FSTL5: variants seen among roughly 807,000 people sequenced by gnomAD.
The protein encoded by FSTL5 is follistatin like 5, also known as follistatin-related protein 5.
Under a neutral mutation model 89.1 loss-of-function variants are expected in FSTL5, and 62 were observed. The ratio of observed to expected loss-of-function variants is 0.70; its 90% CI spans 0.57 to 0.86. The LOEUF is 0.86. FSTL5 is among the 40% of genes least tolerant of loss of function. The pLI, the probability that FSTL5 is intolerant of heterozygous loss-of-function variation, is 0.00. For synonymous variants in FSTL5, 383 were observed against 346.2 expected (o/e 1.11, Z -1.18); for missense variants, 1,057 against 1,001.6 (o/e 1.06, Z -0.75).
chr4:161,532,291 G>A (rs77017236), intron 10 of FSTL5, among the ~76,000 whole-genome samples: 1,927 of 151,934 alleles, frequency 0.013, 30 homozygotes, highest in African/African-American at 0.04. Context: ...TGCTTTATAC[G>A]TAAGATCGAA....
chr4:161,717,172 A>G (rs1739017651), intron 6 of FSTL5, among the ~76,000 whole-genome samples: 1 of 152,204 alleles, frequency 6.6e-6, no homozygotes, highest in Admixed American at 6.5e-5. Context: ...ATTCAAACTG[A>G]AAAGATAAAC....
chr4:161,812,842 G>A (rs191219549), intron 4 of FSTL5, among the ~76,000 whole-genome samples: 14 of 100,720 alleles, frequency 1.4e-4, no homozygotes, highest in Admixed American at 3.2e-4. Flanking sequence ...TAAGGTATAA[G>A]GGAACAATTT....
intron 6 of FSTL5, among the ~76,000 whole-genome samples, chr4:161,754,958 A>C (rs1418570844): frequency 2.6e-5 from 4 of 152,114 alleles, no homozygotes; most frequent in African/African-American, 9.7e-5. Flanking sequence ...TTTTAATTCT[A>C]CGAGAAACTT....
At chr4:162,091,905 T>G (rs1199557169) in intron 2 of FSTL5, among the ~76,000 whole-genome samples, 3 of 151,360 alleles carry the variant, frequency 2.0e-5, no homozygotes, top group Non-Finnish European at 2.9e-5. Context: ...TAAGGTAATC[T>G]ATAGAATATA....
chr4:161,627,660 A>G (rs960725978), intron 7 of FSTL5, among the ~76,000 whole-genome samples: 1 of 152,194 alleles, frequency 6.6e-6, no homozygotes, highest in African/African-American at 2.4e-5. Flanking sequence ...TTAATAATTC[A>G]CCATATATTT....
At chr4:161,421,711 G>A (rs1365383832) in intron 15 of FSTL5, among the ~76,000 whole-genome samples, 8 of 152,170 alleles carry the variant, frequency 5.3e-5, no homozygotes, top group Non-Finnish European at 8.8e-5. Flanking sequence ...TAATGTGGGT[G>A]GGCATCGTCC....
intron 15 of FSTL5, among the ~76,000 whole-genome samples, chr4:161,419,400 G>C (rs997792392): frequency 6.6e-6 from 1 of 152,044 alleles, no homozygotes; most frequent in South Asian, 2.1e-4. Flanking sequence ...AATGTAGTGG[G>C]ATAAGCAGGC....
chr4:161,773,907 C>A (rs1424568464), intron 5 of FSTL5, among the ~76,000 whole-genome samples: 2 of 152,086 alleles, frequency 1.3e-5, no homozygotes, highest in Non-Finnish European at 2.9e-5. Flanking sequence ...TATAGTAGCA[C>A]AATTGTCAAT....
At chr4:162,021,586 A>G (rs2111158733) in intron 3 of FSTL5, among the ~76,000 whole-genome samples, 1 of 152,310 alleles carries the variant, frequency 6.6e-6, no homozygotes, top group Middle Eastern at 3.4e-3. Flanking sequence ...CATAACCAAT[A>G]GAATACTACC....
At chr4:161,862,116 T>C (rs996337730) in intron 4 of FSTL5, among the ~76,000 whole-genome samples, 12 of 152,226 alleles carry the variant, frequency 7.9e-5, no homozygotes, top group African/African-American at 2.9e-4. Flanking sequence ...TATTTATAGA[T>C]AAAGTGTCTT....
intron 13 of FSTL5, among the ~76,000 whole-genome samples, chr4:161,477,497 T>C (rs897096882): frequency 6.6e-6 from 1 of 151,064 alleles, no homozygotes; most frequent in Admixed American, 6.6e-5. Flanking sequence ...TTCTCCCTTC[T>C]CTTTCTATTG....
intron 2 of FSTL5, among the ~76,000 whole-genome samples, chr4:162,079,640 G>A (rs983861231): frequency 1.3e-4 from 19 of 151,084 alleles, no homozygotes; most frequent in African/African-American, 4.6e-4. Context: ...AATTCTTCAG[G>A]GTAGGATCAG....
chr4:162,142,205 T>G (rs1210656700), intron 1 of FSTL5, among the ~76,000 whole-genome samples: 2 of 151,998 alleles, frequency 1.3e-5, no homozygotes, highest in Non-Finnish European at 2.9e-5. Context: ...GAAAATTGAG[T>G]TGATGTGGCC....
intron 6 of FSTL5, among the ~76,000 whole-genome samples, chr4:161,707,102 C>A (rs546855091): frequency 6.6e-6 from 1 of 151,892 alleles, no homozygotes; most frequent in African/African-American, 2.4e-5. Context: ...AAACCAAACA[C>A]AAATTTGTTT....
At chr4:161,773,073 A>G (rs987865806) in intron 5 of FSTL5, among the ~76,000 whole-genome samples, 14 of 152,150 alleles carry the variant, frequency 9.2e-5, no homozygotes, top group African/African-American at 3.4e-4. Flanking sequence ...TTGACAAAGC[A>G]AACAAAAACA....
At chr4:161,996,842 C>T (rs1736310660) in intron 3 of FSTL5, among the ~76,000 whole-genome samples, 1 of 152,142 alleles carries the variant, frequency 6.6e-6, no homozygotes, top group East Asian at 1.9e-4. Context: ...AGTATAATAT[C>T]TATTGCTAAT....
chr4:162,029,779 T>G (rs1737446748), intron 3 of FSTL5, among the ~76,000 whole-genome samples: 1 of 152,098 alleles, frequency 6.6e-6, no homozygotes, highest in African/African-American at 2.4e-5. Context: ...TCTATAAAAT[T>G]TATGATAAAA....
At chr4:161,900,854 T>C (rs1170617855) in intron 4 of FSTL5, among the ~76,000 whole-genome samples, 1 of 152,030 alleles carries the variant, frequency 6.6e-6, no homozygotes, top group Non-Finnish European at 1.5e-5. Context: ...ATTACGCTTA[T>C]TACCAAGATT....
intron 7 of FSTL5, among the ~76,000 whole-genome samples, chr4:161,602,005 A>G (rs1266791403): frequency 6.6e-6 from 1 of 152,140 alleles, no homozygotes; most frequent in Non-Finnish European, 1.5e-5. Flanking sequence ...ATACAGTCCT[A>G]TTATTGAAAA....
Sources: gnomAD v4.1 joint callset for allele counts (sites outside exome capture counted in the v4.1 genomes callset) on GRCh38, gnomAD v4.1.1 for gene constraint, MANE v1.5 for transcripts, NCBI Gene and HGNC (gene_info 2026-07-23, HGNC 2026-07-21) for gene names.